CACNG5: variants seen among roughly 807,000 people sequenced by gnomAD.
The protein encoded by CACNG5 is calcium voltage-gated channel auxiliary subunit gamma 5, also known as voltage-dependent calcium channel gamma-5 subunit.
A neutral mutation model predicts 24.8 loss-of-function variants in CACNG5; 18 were observed. The observed-to-expected ratio is 0.73, with a 90% CI of 0.50 to 1.08. The LOEUF is 1.08. Ranked by LOEUF, CACNG5 falls within the 50% of genes least tolerant of loss-of-function variation. The pLI is 0.00. For synonymous variants in CACNG5, 157 were observed against 149.1 expected (o/e 1.05, Z -0.39); for missense variants, 349 against 367.9 (o/e 0.95, Z 0.42).
At chr17:66,869,224 C>G (rs573872362) in intron 1 of CACNG5, among the ~76,000 whole-genome samples, 2 of 152,240 alleles carry the variant, frequency 1.3e-5, no homozygotes, top group South Asian at 4.2e-4. Context: ...GCTGGGATTA[C>G]AGGTGTGTGC....
Position 66,894,049 on chromosome 17 carries a change from G to A in CACNG5, c.*8809G>A, listed in dbSNP as rs995705034. On this transcript the variant is annotated 3_prime_UTR_variant, in exon 6 of 6. Coordinates refer to ENST00000533854, the MANE Select transcript of CACNG5 (RefSeq NM_145811.3). ...AAATCCAAAGTCCAGCGGTGTAGGT[G>A]CCAGGGTTCTTGACACCTGTTGTCC... Among the ~76,000 whole-genome samples the A allele has an allele frequency of 6.6e-6, 1 of 152,136 alleles. No individual in the cohort carries two copies. The highest frequency in any genetic ancestry group is 1.9e-4 in the East Asian group (1 of 5,186).
At chr17:66,877,800 C>T (rs1330847067) in intron 2 of CACNG5, among the ~76,000 whole-genome samples, 1 of 152,222 alleles carries the variant, frequency 6.6e-6, no homozygotes, top group Non-Finnish European at 1.5e-5. Context: ...ACACTCTGCT[C>T]CCAGGACTGG....
chr17:66,883,538 C>T (rs1367871941), intron 4 of CACNG5, among the ~76,000 whole-genome samples: 2 of 152,242 alleles, frequency 1.3e-5, no homozygotes, highest in African/African-American at 2.4e-5. Context: ...ATTACAGCTA[C>T]TAATTGATAG....
intron 1 of CACNG5, among the ~76,000 whole-genome samples, chr17:66,870,814 ATT>A (rs1372977732): frequency 6.6e-6 from 1 of 152,102 alleles, no homozygotes; most frequent in Non-Finnish European, 1.5e-5. Context: ...CCCCATCTCT[ATT>A]TAAAAATACA....
In CACNG5 at chr17:66,888,374, C is replaced by G. The variant is rs1268295567; in HGVS notation, c.*3134C>G. 2.0e-5 allele frequency among the ~76,000 whole-genome samples: 3 copies of G among 151,206 alleles called. No individual in the cohort carries two copies. ...CCTGGCTAACATGGTGAAACCCTGTCTCTACTAAAAATACAAAAAATTAGC... is the reference window on the plus strand; with the variant it reads ...CCTGGCTAACATGGTGAAACCCTGTGTCTACTAAAAATACAAAAAATTAGC... On this transcript the variant is annotated 3_prime_UTR_variant, in exon 6 of 6. Transcript: ENST00000533854.
At chr17:66,878,824 A>G (rs1025863192) in intron 2 of CACNG5, 148 bp from the exon 3 acceptor site, 2 of 620,512 alleles carry the variant, frequency 3.2e-6, no homozygotes, top group Non-Finnish European at 5.7e-6. Flanking sequence ...AGCCAGGGAC[A>G]GGACCCCCAT....
intron 1 of CACNG5, among the ~76,000 whole-genome samples, chr17:66,851,024 G>A (rs1464673050): frequency 6.6e-6 from 1 of 152,000 alleles, no homozygotes; most frequent in East Asian, 1.9e-4. Flanking sequence ...ACGTGGTCTT[G>A]GGCCCCCGCA....
chr17:66,838,957 A>ATTTTTTTTTTT (rs1435457390), intron 1 of CACNG5, among the ~76,000 whole-genome samples: 2 of 61,506 alleles, frequency 3.3e-5, no homozygotes, highest in Non-Finnish European at 6.0e-5. Context: ...TCCCTCACCC[A>ATTTTTTTTTTT]TTCTTTTTTT....
Position 66,877,523 on chromosome 17 carries a change from T to C in CACNG5, c.191T>C (p.Leu64Pro), listed in dbSNP as rs1285694407. Residue 64 changes from leucine to proline, a missense_variant, in exon 2 of 6, where the codon CTT (leucine) becomes CCT (proline). Coordinates refer to ENST00000533854, the MANE Select transcript of CACNG5 (RefSeq NM_145811.3). ...LHSGLWRVCF[L>P]AGEERGRCFT... The stretch of plus-strand genomic sequence containing the variant: ...TCAGGCCTCTGGCGGGTCTGCTTCC[T>C]TGCAGGTAAGGGTGCCCAGGGTTGG... 4 of 1,613,396 alleles carry C rather than the reference T, an allele frequency of 2.5e-6. No homozygotes were observed. Among genetic ancestry groups the C allele is most frequent in the Admixed American group, 1.7e-5 (1 of 59,968 alleles).
In CACNG5 at chr17:66,877,398, C is replaced by T. The variant is rs143372369; in HGVS notation, c.66C>T (p.Gly22=). The part of the protein sequence containing the change: ...LSSVFAVCGL[G]LLGIAVSTDY... ...GTGTCTTTGCTGTCTGTGGCTTGGG[C>T]CTCCTGGGTATCGCGGTCAGCACCG... The change falls in exon 2 of 6, where the codon GGC becomes GGT. Residue 22 remains glycine (G), a synonymous_variant. Coordinates refer to ENST00000533854, the MANE Select transcript of CACNG5 (RefSeq NM_145811.3). 1.1e-5 allele frequency: 18 copies of T among 1,613,978 alleles called. 1 individual carries two copies. In the African/African-American group the frequency reaches 2.0e-4, roughly 18 times the overall value.
chr17:66,843,856 A>C (rs1976599974), intron 1 of CACNG5, among the ~76,000 whole-genome samples: 1 of 152,016 alleles, frequency 6.6e-6, no homozygotes, highest in Non-Finnish European at 1.5e-5. Flanking sequence ...AATTGCTCTC[A>C]CACTGGGTGC....
At chr17:66,859,790 A>G (rs1006008151) in intron 1 of CACNG5, among the ~76,000 whole-genome samples, 8 of 152,110 alleles carry the variant, frequency 5.3e-5, no homozygotes, top group Non-Finnish European at 1.2e-4. Flanking sequence ...CTCAGTGTCC[A>G]GCAAGAAACA....
At chr17:66,860,143 C>T (rs1284230002) in intron 1 of CACNG5, among the ~76,000 whole-genome samples, 3 of 152,282 alleles carry the variant, frequency 2.0e-5, no homozygotes, top group East Asian at 3.9e-4. Flanking sequence ...TGCAACCCCA[C>T]GAGAACCAGG....
At chr17:66,870,370 T>C (rs574521858) in intron 1 of CACNG5, among the ~76,000 whole-genome samples, 1 of 152,272 alleles carries the variant, frequency 6.6e-6, no homozygotes, top group South Asian at 2.1e-4. Context: ...CTGCACATAC[T>C]CTCTAAACAA....
chr17:66,871,836 G>A (rs1977011618), intron 1 of CACNG5, among the ~76,000 whole-genome samples: 1 of 152,062 alleles, frequency 6.6e-6, no homozygotes, highest in Admixed American at 6.6e-5. Flanking sequence ...TTCCAGCCTG[G>A]GTGACAGAGC....
rs1052963274 is a variant in CACNG5, at chr17:66,886,800, CCT to C, written c.*1561_*1562del. Among the ~76,000 whole-genome samples the C allele has an allele frequency of 4.6e-5, 7 of 152,190 alleles. No homozygotes were observed. The highest frequency in any genetic ancestry group is 1.7e-4 in the African/African-American group (7 of 41,444). ...GGCTTAAATAACGCACATGAATTTT[CCT>C]ACAGTTCTGGGTACCGGAGTCCAAG... is the stretch of plus-strand genomic sequence containing the variant. On this transcript the variant is annotated 3_prime_UTR_variant, in exon 6 of 6. Transcript: ENST00000533854.
intron 1 of CACNG5, among the ~76,000 whole-genome samples, chr17:66,837,791 T>C (rs755610134): frequency 5.9e-5 from 9 of 151,788 alleles, no homozygotes; most frequent in Non-Finnish European, 1.2e-4. Context: ...GAGAGAACAT[T>C]GTACTTTGCC....
chr17:66,883,565 A>C lies in CACNG5; in HGVS notation c.425-951A>C, dbSNP rs536991167. ...AATTGATAGAACTGATGCCTGAGGC[A>C]GTCATTTGCACAATGGCAGTAGGAG... On this transcript the variant is annotated intron_variant, in intron 4 of 5. Transcript: ENST00000533854. 6.6e-5 allele frequency among the ~76,000 whole-genome samples: 10 copies of C among 152,358 alleles called. No individual in the cohort carries two copies. In the East Asian group the frequency reaches 1.9e-3, roughly 29 times the overall value.
intron 4 of CACNG5, among the ~76,000 whole-genome samples, chr17:66,884,047 A>C (rs1410305408): frequency 6.6e-6 from 1 of 151,636 alleles, no homozygotes; most frequent in East Asian, 1.9e-4. Context: ...CAGGAGAATC[A>C]CTTGAACCCG....
Sources: gnomAD v4.1 joint callset for allele counts (sites outside exome capture counted in the v4.1 genomes callset) on GRCh38, gnomAD v4.1.1 for gene constraint, MANE v1.5 for transcripts, NCBI Gene and HGNC (gene_info 2026-07-23, HGNC 2026-07-21) for gene names.